Variants in LTBP1 observed in about 807,000 individuals in gnomAD.
The protein encoded by LTBP1 is latent-transforming growth factor beta-binding protein 1.
A neutral mutation model predicts 207.6 loss-of-function variants in LTBP1; 129 were observed. That is an observed-to-expected ratio of 0.62 (90% CI 0.54 to 0.72). The LOEUF (loss-of-function observed/expected upper bound fraction) is 0.72, where lower values mean the gene tolerates loss of function less well. Among genes scored for constraint, LTBP1 ranks in the 30% least tolerant of loss-of-function variants. The pLI is 0.00. For missense variants in LTBP1, 2,281 were observed against 2,217.2 expected (o/e 1.03, Z -0.58); for synonymous variants, 963 against 833.7 (o/e 1.16, Z -2.67).
chr2:33,286,159 A>AT (rs2093661679), intron 19 of LTBP1, among the ~76,000 whole-genome samples: 2 of 152,144 alleles, frequency 1.3e-5, no homozygotes, highest in South Asian at 4.1e-4. Context: ...AAATTCTGAG[A>AT]TTTTGTCAGT....
At chr2:33,124,827 G>A (rs1445820158) in intron 4 of LTBP1, among the ~76,000 whole-genome samples, 1 of 152,214 alleles carries the variant, frequency 6.6e-6, no homozygotes, top group Non-Finnish European at 1.5e-5. Context: ...CCACAGTCTT[G>A]TGAGGTAGAT....
intron 3 of LTBP1, among the ~76,000 whole-genome samples, chr2:33,075,484 C>T (rs1189207475): frequency 6.6e-6 from 1 of 152,090 alleles, no homozygotes; most frequent in Admixed American, 6.6e-5. Flanking sequence ...GAGATAGCTG[C>T]AAAAACCATC....
At chr2:33,168,038 A>T (rs187312652) in intron 5 of LTBP1, among the ~76,000 whole-genome samples, 1 of 152,342 alleles carries the variant, frequency 6.6e-6, no homozygotes, top group Admixed American at 6.5e-5. Flanking sequence ...AAAAACCACC[A>T]TCTAGCCCCT....
Position 33,397,177 on chromosome 2 carries a change from A to T in LTBP1, c.4879A>T (p.Ile1627Phe). The T allele has an allele frequency of 6.2e-7, 1 of 1,614,178 alleles. No individual in the cohort carries two copies. Among genetic ancestry groups the T allele is most frequent in the Non-Finnish European group, 8.5e-7 (1 of 1,180,004 alleles). ...FEELQAEECG[I>F]LNGCENGRCV... ...GGAGTTACAGGCTGAGGAATGCGGC[A>T]TCCTCAATGGATGTGAAAATGGTCG... The change falls in exon 33 of 34, where the codon ATC becomes TTC. Residue 1627 changes from isoleucine (I) to phenylalanine (F), a missense_variant. By Grantham distance (21) the Ile-to-Phe change is conservative. Transcript: ENST00000404816.
chr2:32,950,170 A>G (rs1415177358), intron 2 of LTBP1, among the ~76,000 whole-genome samples: 1 of 152,246 alleles, frequency 6.6e-6, no homozygotes, highest in Admixed American at 6.5e-5. Context: ...CATTCTGTCC[A>G]AAACCTGCTA....
chr2:33,251,398 C>A (rs573016633), intron 10 of LTBP1, among the ~76,000 whole-genome samples: 1 of 152,146 alleles, frequency 6.6e-6, no homozygotes, highest in African/African-American at 2.4e-5. Context: ...CGGTGGCTCA[C>A]GCCTGTAATC....
chr2:33,170,808 C>T (rs1467721934), intron 5 of LTBP1, among the ~76,000 whole-genome samples: 7 of 152,034 alleles, frequency 4.6e-5, no homozygotes, highest in African/African-American at 1.7e-4. Context: ...TCCTCTGAGA[C>T]AAAACTTCCA....
intron 10 of LTBP1, among the ~76,000 whole-genome samples, chr2:33,248,645 G>C (rs1371344939): frequency 1.3e-5 from 2 of 150,456 alleles, no homozygotes; most frequent in South Asian, 4.2e-4. Flanking sequence ...GGAGTGCAGT[G>C]GTGCAATCTC....
chr2:33,305,413 A>T (rs192306758), intron 22 of LTBP1, among the ~76,000 whole-genome samples: 2,283 of 152,140 alleles, frequency 0.015, 61 homozygotes, highest in African/African-American at 0.051. Flanking sequence ...GTATATGGGG[A>T]GTGTTGAGGA....
At chr2:33,126,246 T>C (rs922282114) in intron 4 of LTBP1, among the ~76,000 whole-genome samples, 3 of 152,170 alleles carry the variant, frequency 2.0e-5, no homozygotes, top group Non-Finnish European at 4.4e-5. Context: ...TATTTATTTA[T>C]TTTTTAGAAA....
At chr2:33,342,431 C>T (rs866448171) in intron 24 of LTBP1, among the ~76,000 whole-genome samples, 1 of 152,170 alleles carries the variant, frequency 6.6e-6, no homozygotes, top group Admixed American at 6.5e-5. Flanking sequence ...CCACCTGTAA[C>T]TATCAGATGC....
chr2:33,111,437 T>G (rs183040381), intron 4 of LTBP1, among the ~76,000 whole-genome samples: 6 of 152,274 alleles, frequency 3.9e-5, no homozygotes, highest in Non-Finnish European at 7.4e-5. Flanking sequence ...CACGCTCTCG[T>G]TCCAGCAGCT....
intron 5 of LTBP1, among the ~76,000 whole-genome samples, chr2:33,140,688 A>G (rs1159459947): frequency 7.8e-6 from 1 of 128,366 alleles, no homozygotes; most frequent in Non-Finnish European, 1.6e-5. Flanking sequence ...TTTTTTTGAG[A>G]TAGAGTTTTG....
intron 24 of LTBP1, among the ~76,000 whole-genome samples, chr2:33,329,044 G>T (rs987296062): frequency 2.6e-5 from 4 of 152,140 alleles, no homozygotes; most frequent in Non-Finnish European, 5.9e-5. Context: ...TCACTAAGAA[G>T]TATAATTTCT....
At chr2:33,213,302 A>C (rs78414971) in intron 7 of LTBP1, among the ~76,000 whole-genome samples, 3,971 of 152,298 alleles carry the variant, frequency 0.026, 189 homozygotes, top group African/African-American at 0.091. Context: ...TTCGTAAGAC[A>C]CATCCTGAAA....
intron 22 of LTBP1, among the ~76,000 whole-genome samples, chr2:33,302,928 G>A (rs1483737361): frequency 6.7e-6 from 1 of 150,140 alleles, no homozygotes; most frequent in African/African-American, 2.5e-5. Flanking sequence ...AGCTGGGCGT[G>A]GTGGCGCCCA....
At chr2:33,383,776 A>G (rs1390056951) in intron 31 of LTBP1, among the ~76,000 whole-genome samples, 2 of 152,144 alleles carry the variant, frequency 1.3e-5, no homozygotes, top group African/African-American at 4.8e-5. Flanking sequence ...GGCTCAAGTG[A>G]TCTGCCCACC....
Position 33,266,525 on chromosome 2 carries a change from G to A in LTBP1, c.2617+3133G>A, listed in dbSNP as rs150087511. On this transcript the variant is annotated intron_variant, in intron 15 of 33. Coordinates refer to ENST00000404816, the MANE Select transcript of LTBP1 (RefSeq NM_206943.4). ...CACGGTCCAGAGTGAAGACTTCATC[G>A]ATAACAGTTTGGCCAATCAGATGGT... Among the ~76,000 whole-genome samples, 744 of 152,164 alleles carry A rather than the reference G, an allele frequency of 4.9e-3. 1 individual carries two copies. Among genetic ancestry groups the A allele is most frequent in the Non-Finnish European group, 7.6e-3 (517 of 68,004 alleles).
chr2:33,004,809 A>ATATATATATATATATG (rs1298591734), intron 2 of LTBP1, among the ~76,000 whole-genome samples: 8 of 145,496 alleles, frequency 5.5e-5, no homozygotes, highest in African/African-American at 2.0e-4. Flanking sequence ...ATATATATAT[A>ATATATATATATATATG]TATATAAACA....
Sources: gnomAD v4.1 joint callset for allele counts (sites outside exome capture counted in the v4.1 genomes callset) on GRCh38, gnomAD v4.1.1 for gene constraint, MANE v1.5 for transcripts, NCBI Gene and HGNC (gene_info 2026-07-23, HGNC 2026-07-21) for gene names.